ADGRF1: variants seen among roughly 807,000 people sequenced by gnomAD.
ADGRF1 encodes adhesion G protein-coupled receptor F1.
A neutral mutation model predicts 87.2 loss-of-function variants in ADGRF1; 85 were observed. That is an observed-to-expected ratio of 0.97 (90% CI 0.82 to 1.17). The LOEUF (loss-of-function observed/expected upper bound fraction) is 1.17. Among genes scored for constraint, ADGRF1 ranks in the 50% most tolerant of loss-of-function variants. ADGRF1 has a pLI of 0.00. For synonymous variants in ADGRF1, 430 were observed against 408.8 expected (o/e 1.05, Z -0.63); for missense variants, 1,169 against 1,077.2 (o/e 1.09, Z -1.19).
intron 13 of ADGRF1, 89 bp from the exon 14 acceptor site, chr6:47,001,656 A>T (rs1779367348): frequency 1.0e-6 from 1 of 1,002,284 alleles, no homozygotes; most frequent in South Asian, 1.4e-5. Context: ...GTTATTCATG[A>T]TTCTTTATTT....
At position 47,014,924 on chromosome 6, in the gene ADGRF1, A is replaced by C. The variant is rs73480731; in HGVS notation, c.764-80T>G. The stretch of plus-strand genomic sequence containing the variant: ...TATATAAACCATGTAGTCATGTTCA[A>C]ATGTTTTAGAACTCATTTTTGGAGA... On this transcript the variant is annotated intron_variant, in intron 8 of 14. Transcript: ENST00000371253. 2.2e-3 allele frequency: 3,200 copies of C among 1,423,232 alleles called. 66 individuals are homozygous for C. The African/African-American group carries it at 0.041, about 18-fold the overall frequency. The allele number at this position is 1,423,232 out of a possible 1,614,324, so 88.2% of individuals were successfully genotyped here.
Position 46,999,726 on chromosome 6 carries a change from A to G in ADGRF1, c.*496T>C, listed in dbSNP as rs958395780. 1 of 152,732 alleles carries G rather than the reference A, an allele frequency of 6.5e-6. No individual in the cohort carries two copies. Among genetic ancestry groups the G allele is most frequent in the African/African-American group, 2.4e-5 (1 of 41,454 alleles). The allele number at this position is 152,732 out of a possible 1,614,324, so 9.5% of individuals were successfully genotyped here. A position where few individuals can be genotyped will look rare whatever the true frequency, so the allele number is the denominator to read the frequency against. On this transcript the variant is annotated 3_prime_UTR_variant, in exon 15 of 15. Transcript: ENST00000371253. The stretch of plus-strand genomic sequence containing the variant: ...CCTAAGAAGCAAAAGCGAACATAAA[A>G]TTCAACTGGAAAATTTGAAAGAGAA...
Position 47,008,956 on chromosome 6 carries a change from T to C in ADGRF1, c.2479A>G (p.Asn827Asp). The change falls in exon 11 of 15, where the codon AAT becomes GAT. Residue 827 changes from asparagine (N) to aspartate (D), a missense_variant. By Grantham distance (23) the Asn-to-Asp change is conservative. Transcript: ENST00000371253. Reference protein sequence around the residue: ...LAWHVIFALLNAFQGFFILCF... With the variant: ...LAWHVIFALLDAFQGFFILCF... ...GTTACTGTTCTCACCTGGAATGCAT[T>C]GAGTAAAGCAAAAATAACATGCCAA... 1 of 1,597,296 alleles carries C rather than the reference T, an allele frequency of 6.3e-7. No homozygotes were observed.
Position 46,999,270 on chromosome 6 carries a change from C to A in ADGRF1, c.*952G>T, listed in dbSNP as rs986007232. 3.3e-5 allele frequency: 5 copies of A among 152,166 alleles called. No individual in the cohort carries two copies. Among genetic ancestry groups the A allele is most frequent in the Non-Finnish European group, 5.9e-5 (4 of 68,034 alleles). The allele number at this position is 152,166 out of a possible 1,614,324, so 9.4% of individuals were successfully genotyped here. A position where few individuals can be genotyped will look rare whatever the true frequency, so the allele number is the denominator to read the frequency against. On this transcript the variant is annotated 3_prime_UTR_variant, in exon 15 of 15. Transcript: ENST00000371253. ...AAGAAAATAAGGATGTTTTAAGGTACCTCCCTGGAAGCTGACAACCAAATT... is the reference window on the plus strand; with the variant it reads ...AAGAAAATAAGGATGTTTTAAGGTAACTCCCTGGAAGCTGACAACCAAATT...
In ADGRF1 at chr6:47,025,914, T is replaced by G; in HGVS notation, c.217A>C (p.Lys73Gln). 1 of 1,612,416 alleles carries G rather than the reference T, an allele frequency of 6.2e-7. No homozygotes were observed. The highest frequency in any genetic ancestry group is 1.7e-5 in the Admixed American group (1 of 60,012). ...CCATGTGACCATAATAATGGAGGCT[T>G]CAAGAGCTTCAGAAAATTTCTCAAA... ...RDLRNFLKLL[K>Q]PPLLWSHGLI... is the part of the protein sequence containing the mutation. Residue 73 changes from lysine (K) to glutamine (Q), a missense_variant, in exon 4 of 15, where the codon AAG (lysine) becomes CAG (glutamine). Transcript: ENST00000371253.
chr6:47,041,757 A>G (rs975481948), intron 1 of ADGRF1, among the ~76,000 whole-genome samples: 1 of 152,314 alleles, frequency 6.6e-6, no homozygotes, highest in South Asian at 2.1e-4. Context: ...AAATAAGCTT[A>G]ATTCTCTCAA....
In ADGRF1 at chr6:47,010,271, G is replaced by T; in HGVS notation, c.1164C>A (p.Thr388=). The T allele has an allele frequency of 6.2e-7, 1 of 1,613,416 alleles. No homozygotes were observed. Among genetic ancestry groups the T allele is most frequent in the Non-Finnish European group, 8.5e-7 (1 of 1,179,752 alleles). The change falls in exon 11 of 15, where the codon ACC becomes ACA. Residue 388 remains threonine, a synonymous_variant. Coordinates refer to ENST00000371253, the MANE Select transcript of ADGRF1 (RefSeq NM_153840.4). ...CTTCCCGCAGTAAGACTGTCCAGTT[G>T]GTTACTGAGGCTGAATTAAGGATAT... ...ADNILNSASV[T]NWTVLLREEK... is the part of the protein sequence containing the mutation.
chr6:47,024,195 G>A lies in ADGRF1; in HGVS notation c.300C>T (p.Val100=). ...AGCTGTCTTCACAGGTACACTGCAG[G>A]ACTCCATTCAGGCTGTTGCAGTCTG... ...ATTDCNSLNG[V]LQCTCEDSYT... is the part of the protein sequence containing the mutation. Residue 100 remains valine (V), a synonymous_variant, in exon 5 of 15, where the codon GTC becomes GTT. Coordinates refer to ENST00000371253, the MANE Select transcript of ADGRF1 (RefSeq NM_153840.4). 6.2e-7 allele frequency: 1 copy of A among 1,613,922 alleles called. No homozygotes were observed.
At chr6:47,003,256 C>T (rs549441739) in intron 13 of ADGRF1, among the ~76,000 whole-genome samples, 11 of 152,098 alleles carry the variant, frequency 7.2e-5, no homozygotes, top group Non-Finnish European at 1.6e-4. Flanking sequence ...CAATAAGATA[C>T]CAAATTCCAA....
Position 47,009,257 on chromosome 6 carries a change from G to C in ADGRF1, c.2178C>G (p.Thr726=). Residue 726 remains threonine (T), a synonymous_variant, in exon 11 of 15, where the codon ACC becomes ACG. Transcript: ENST00000371253. ...GCCAACACACATCTTTCCTTTTGTA[G>C]GTATTGCTAGGTTGCGTGACAGCAA... ...ITIAVTQPSN[T]YKRKDVCWLN... is the part of the protein sequence containing the mutation. 3.1e-6 allele frequency: 5 copies of C among 1,614,144 alleles called. No homozygotes were observed. Among genetic ancestry groups the C allele is most frequent in the Non-Finnish European group, 3.4e-6 (4 of 1,180,012 alleles).
In ADGRF1 at chr6:47,014,761, T is replaced by C; in HGVS notation, c.847A>G (p.Ile283Val). The change falls in exon 9 of 15, where the codon ATC (isoleucine) becomes GTC (valine). Residue 283 changes from isoleucine (I) to valine (V), a missense_variant. Ile to Val is a conservative substitution (Grantham distance 29). Coordinates refer to ENST00000371253, the MANE Select transcript of ADGRF1 (RefSeq NM_153840.4). The part of the protein sequence containing the change: ...LPCSSGYRGN[I>V]TAKCESSGWQ... ...CCAGAGGACTCACACTTGGCTGTGATGTTTCCCCTGTAGCCACTGCTGCAG... is the reference window on the plus strand; with the variant it reads ...CCAGAGGACTCACACTTGGCTGTGACGTTTCCCCTGTAGCCACTGCTGCAG... 6.2e-7 allele frequency: 1 copy of C among 1,614,082 alleles called. No individual in the cohort carries two copies. Among genetic ancestry groups the C allele is most frequent in the Non-Finnish European group, 8.5e-7 (1 of 1,179,986 alleles).
intron 13 of ADGRF1, among the ~76,000 whole-genome samples, chr6:47,002,383 G>GAA (rs151124370): frequency 2.1e-5 from 3 of 142,782 alleles, no homozygotes; most frequent in African/African-American, 5.2e-5. Flanking sequence ...ACTGAGTTCT[G>GAA]AAAAAAAAAA....
intron 1 of ADGRF1, among the ~76,000 whole-genome samples, chr6:47,031,331 T>TTCTCTCTC (rs368788829): frequency 8.6e-5 from 11 of 128,244 alleles, no homozygotes; most frequent in African/African-American, 1.8e-4. Flanking sequence ...TCTCTCTCTC[T>TTCTCTCTC]TCTCTCTCTC....
At chr6:47,018,455 T>C (rs1354132232) in intron 7 of ADGRF1, 4 of 1,289,560 alleles carry the variant, frequency 3.1e-6, no homozygotes, top group Admixed American at 2.3e-5. Context: ...GCAGACACCC[T>C]TTTGCTTAAT....
chr6:47,028,008 G>A (rs1384268793), intron 2 of ADGRF1, among the ~76,000 whole-genome samples: 1 of 151,114 alleles, frequency 6.6e-6, no homozygotes, highest in Non-Finnish European at 1.5e-5. Flanking sequence ...TGAGAGGAGA[G>A]GCACAGGAGG....
chr6:47,008,993 G>A lies in ADGRF1; in HGVS notation c.2442C>T (p.Ser814=), dbSNP rs145810720. ...AAATAACATGCCAAGCCAGATTCTG[G>A]CTGTCCACTATTGTTCCTATTCCAA... ...WGFGIGTIVD[S]QNLAWHVIFA... The change falls in exon 11 of 15, where the codon AGC becomes AGT. Residue 814 remains serine (S), a synonymous_variant. Transcript: ENST00000371253. 6.2e-7 allele frequency: 1 copy of A among 1,610,710 alleles called. No homozygotes were observed. The highest frequency in any genetic ancestry group is 1.3e-5 in the African/African-American group (1 of 74,924).
At position 47,028,702 on chromosome 6, in the gene ADGRF1, C is replaced by A. The variant is rs376749579; in HGVS notation, c.69+291G>T. ...TCCATCCATGTGATTTTTCTGCATCCGAGAAGCCATAGTACAGCATGTGTT... is the reference window on the plus strand; with the variant it reads ...TCCATCCATGTGATTTTTCTGCATCAGAGAAGCCATAGTACAGCATGTGTT... On this transcript the variant is annotated intron_variant, in intron 2 of 14. Coordinates refer to ENST00000371253, the MANE Select transcript of ADGRF1 (RefSeq NM_153840.4). Among the ~76,000 whole-genome samples, 338 of 152,182 alleles carry A rather than the reference C, an allele frequency of 2.2e-3. 6 individuals carry two copies. In the South Asian group the frequency reaches 0.024, roughly 11 times the overall value.
At chr6:47,001,633 C>A in intron 13 of ADGRF1, 66 bp from the exon 14 acceptor site, 1 of 1,222,930 alleles carries the variant, frequency 8.2e-7, no homozygotes. Context: ...TCTGCATTTC[C>A]TGACTTCCTG....
At chr6:47,022,165 T>G (rs920372299) in intron 5 of ADGRF1, 107 bp from the exon 6 acceptor site, 12 of 649,920 alleles carry the variant, frequency 1.8e-5, no homozygotes, top group Non-Finnish European at 2.1e-5. Context: ...TCAACAGTGA[T>G]GTTTCAAATT....
Sources: allele counts gnomAD v4.1 joint callset (sites outside exome capture counted in the v4.1 genomes callset), GRCh38; gene constraint gnomAD v4.1.1; transcripts MANE v1.5; gene names NCBI Gene and HGNC (gene_info 2026-07-23, HGNC 2026-07-21).